LYST: variants seen among roughly 807,000 people sequenced by gnomAD.
LYST encodes lysosomal trafficking regulator.
Under a neutral mutation model 413.6 loss-of-function variants are expected in LYST, and 192 were observed. The ratio of observed to expected loss-of-function variants is 0.46; its 90% CI spans 0.41 to 0.52. The LOEUF (loss-of-function observed/expected upper bound fraction) is 0.52, where lower values mean the gene tolerates loss of function less well. Among genes scored for constraint, LYST ranks in the 20% least tolerant of loss-of-function variants. The pLI is 0.00. For synonymous variants in LYST, 1,525 were observed against 1,567.3 expected, an observed-to-expected ratio of 0.97 and a Z score of 0.64; for missense variants, 3,815 against 4,499.9, an observed-to-expected ratio of 0.85 and a Z score of 4.35.
At chr1:235,882,581 C>T (rs1189182733) in intron 1 of LYST, among the ~76,000 whole-genome samples, 2 of 152,030 alleles carry the variant, frequency 1.3e-5, no homozygotes, top group Non-Finnish European at 2.9e-5. Flanking sequence ...ATGATGAGGG[C>T]CCCAGCTGAG....
intron 1 of LYST, among the ~76,000 whole-genome samples, chr1:235,882,660 C>T (rs905140883): frequency 5.3e-5 from 8 of 151,988 alleles, no homozygotes; most frequent in Admixed American, 6.6e-5. Flanking sequence ...TGGAAGCTAA[C>T]GATGTGAGAT....
In LYST at chr1:235,740,276, C is replaced by T. The variant is rs374353330; in HGVS notation, c.8358+1146G>A. ...CTCTCTCATCTCTATTGAGGTATAA[C>T]TTACATATAATAAAGCATAGATATA... On this transcript the variant is annotated intron_variant, in intron 31 of 52. Transcript: ENST00000389793. Among the ~76,000 whole-genome samples, 6 of 152,140 alleles carry T rather than the reference C, an allele frequency of 3.9e-5. No homozygotes were observed. The South Asian group carries it at 6.2e-4, about 16-fold the overall frequency.
chr1:235,774,579 C>T (rs980005555), intron 18 of LYST, among the ~76,000 whole-genome samples: 1 of 152,268 alleles, frequency 6.6e-6, no homozygotes, highest in South Asian at 2.1e-4. Context: ...GAACTGGGTT[C>T]TCTGCCATAA....
At position 235,724,946 on chromosome 1, in the gene LYST, T is replaced by C. The variant is rs202052841; in HGVS notation, c.9163-766A>G. On this transcript the variant is annotated intron_variant, in intron 38 of 52. Transcript: ENST00000389793. ...CTCTGGTTGCTCTGTTGTATGTGTCTGCATATGCATGCATGTATGCACATA... is the reference window on the plus strand; with the variant it reads ...CTCTGGTTGCTCTGTTGTATGTGTCCGCATATGCATGCATGTATGCACATA... Among the ~76,000 whole-genome samples the C allele has an allele frequency of 1.5e-4, 23 of 152,366 alleles. No homozygotes were observed. In the East Asian group the frequency reaches 3.9e-3, roughly 26 times the overall value.
At chr1:235,802,193 CA>C (rs35511208) in intron 8 of LYST, among the ~76,000 whole-genome samples, 8,048 of 44,808 alleles carry the variant, frequency 0.18, 102 homozygotes, top group African/African-American at 0.2. Context: ...GACTCCATTT[CA>C]AAAAAAAAAA....
chr1:235,733,158 CT>C (rs1558164893), intron 34 of LYST, among the ~76,000 whole-genome samples: 1 of 151,920 alleles, frequency 6.6e-6, no homozygotes, highest in Admixed American at 6.6e-5. Context: ...TGATTTCCCG[CT>C]TTTTGTTATT....
At chr1:235,785,980 C>T (rs3768061) in intron 14 of LYST, among the ~76,000 whole-genome samples, 16,360 of 152,188 alleles carry the variant, frequency 0.11, 972 homozygotes, top group Middle Eastern at 0.18. Context: ...TTCTAGCACT[C>T]TATCTGAATC....
At chr1:235,830,197 A>G (rs771853138) in intron 3 of LYST, 29 bp downstream of exon 3, 27 of 1,508,110 alleles carry the variant, frequency 1.8e-5, no homozygotes, top group Non-Finnish European at 2.3e-5. Flanking sequence ...TATATTGATG[A>G]AAGTAAGTAT....
intron 1 of LYST, among the ~76,000 whole-genome samples, chr1:235,835,051 G>C (rs374151347): frequency 2.0e-5 from 3 of 151,696 alleles, no homozygotes; most frequent in East Asian, 3.9e-4. Context: ...CCGAGTAGCC[G>C]GGATTACAGG....
chr1:235,833,540 C>T (rs1572402350), intron 2 of LYST, 38 bp downstream of exon 2: 1 of 452,572 alleles, frequency 2.2e-6, no homozygotes, highest in Admixed American at 6.4e-5. Flanking sequence ...CCTTCAAAAT[C>T]ATGTTGATGG....
At chr1:235,820,533 T>C (rs917910111) in intron 3 of LYST, among the ~76,000 whole-genome samples, 4 of 151,936 alleles carry the variant, frequency 2.6e-5, no homozygotes, top group Non-Finnish European at 4.4e-5. Context: ...CCACACCTGG[T>C]TGATTTTTGT....
intron 7 of LYST, 106 bp from the exon 8 acceptor site, chr1:235,803,170 G>A: frequency 1.1e-6 from 1 of 907,514 alleles, no homozygotes; most frequent in African/African-American, 1.7e-5. Flanking sequence ...TTTTCTTGAA[G>A]AAAAAAACTT....
intron 31 of LYST, chr1:235,737,856 C>T: frequency 2.9e-6 from 3 of 1,038,878 alleles, no homozygotes; most frequent in Non-Finnish European, 3.5e-6. Flanking sequence ...AGCATTTATC[C>T]TGCTTTTCCT....
At chr1:235,845,523 G>C (rs977245950) in intron 1 of LYST, among the ~76,000 whole-genome samples, 8 of 152,204 alleles carry the variant, frequency 5.3e-5, no homozygotes, top group Non-Finnish European at 7.3e-5. Flanking sequence ...CCAGCTCGCA[G>C]ACTTCACAGG....
chr1:235,734,717 T>A, intron 31 of LYST, 58 bp from the exon 32 acceptor site: 1 of 1,124,084 alleles, frequency 8.9e-7, no homozygotes, highest in Non-Finnish European at 1.3e-6. Context: ...ACATTTAAAT[T>A]ACTTAGTAGT....
At chr1:235,715,053 C>A (rs1662714751) in intron 42 of LYST, 148 bp downstream of exon 42, 1 of 735,108 alleles carries the variant, frequency 1.4e-6, no homozygotes, top group Non-Finnish European at 2.3e-6. Flanking sequence ...TTTTGAGGAG[C>A]ACTTTGGGCA....
At position 235,753,148 on chromosome 1, in the gene LYST, GAGA is replaced by G. The variant is rs765160019; in HGVS notation, c.7353_7355del (p.Leu2452del). Reference sequence around the variant, plus strand: ...CCTTAGAACAAGAATTTAAAATTTGGAGAAGAAGTAAAAGAGCATTATGCAAGA... The same window carrying G: ...CCTTAGAACAAGAATTTAAAATTTGGAGAAGTAAAAGAGCATTATGCAAGA... On this transcript the variant is annotated inframe_deletion, in exon 26 of 53. Transcript: ENST00000389793. The G allele has an allele frequency of 5.7e-5, 92 of 1,607,996 alleles. No homozygotes were observed. The Admixed American group carries it at 8.2e-4, about 14-fold the overall frequency.
rs1411229085 is a variant in LYST, at chr1:235,664,336, C to T, written c.11195+129G>A. The T allele has an allele frequency of 1.1e-5, 9 of 853,850 alleles. No individual in the cohort carries two copies. The highest frequency in any genetic ancestry group is 5.3e-5 in the East Asian group (2 of 37,946). The allele number at this position is 853,850 out of a possible 1,614,324, so 52.9% of individuals were successfully genotyped here. On this transcript the variant is annotated intron_variant, in intron 51 of 52. Coordinates refer to ENST00000389793, the MANE Select transcript of LYST (RefSeq NM_000081.4). This position sits in a 1 kb window ranked among gnomAD's most constrained non-coding sequence, Gnocchi z 4.5. ...AATAAAACAGGAATAACTAAAGAAC[C>T]TACACCCCAAGGTGAGTTTAAATCT...
intron 8 of LYST, among the ~76,000 whole-genome samples, 164 bp downstream of exon 8, chr1:235,802,742 CAT>C (rs1468483956): frequency 2.6e-5 from 4 of 152,144 alleles, no homozygotes; most frequent in Non-Finnish European, 5.9e-5. Flanking sequence ...CACATTGTTG[CAT>C]ATATGAATGC....
Sources: allele counts gnomAD v4.1 joint callset (sites outside exome capture counted in the v4.1 genomes callset), GRCh38; gene constraint gnomAD v4.1.1; non-coding constraint Gnocchi (gnomAD v3.1); transcripts MANE v1.5; gene names NCBI Gene and HGNC (gene_info 2026-07-23, HGNC 2026-07-21).